FREM2: variants seen among roughly 807,000 people sequenced by gnomAD.
The protein encoded by FREM2 is FRAS1-related extracellular matrix protein 2.
Under a neutral mutation model 219.9 loss-of-function variants are expected in FREM2, and 119 were observed. The ratio of observed to expected loss-of-function variants is 0.54; its 90% CI spans 0.47 to 0.63. The LOEUF is 0.63. Among genes scored for constraint, FREM2 ranks in the 30% least tolerant of loss-of-function variants. FREM2 has a pLI of 0.00. For synonymous variants in FREM2, 1,562 were observed against 1,522.8 expected (o/e 1.03, Z -0.60); for missense variants, 4,030 against 3,993.6 (o/e 1.01, Z -0.25).
At chr13:38,818,026 A>G (rs1875836501) in intron 6 of FREM2, among the ~76,000 whole-genome samples, 1 of 152,162 alleles carries the variant, frequency 6.6e-6, no homozygotes, top group Non-Finnish European at 1.5e-5. Context: ...GCTATTATAA[A>G]AAAAGACAAG....
chr13:38,697,726 T>A lies in FREM2; in HGVS notation c.5202T>A (p.Tyr1734Ter), dbSNP rs1341103036. The change falls in exon 2 of 24, where the codon TAT becomes TAA. Residue 1734 changes from tyrosine (Y) to a stop codon, truncating the protein, a stop_gained. Transcript: ENST00000280481. LOFTEE classifies it high-confidence loss of function. ...ACATTGATGACATGAAAATATGCTATGTCTTAAGAGAAGGGGCTAATGCCA... is the reference window on the plus strand; with the variant it reads ...ACATTGATGACATGAAAATATGCTAAGTCTTAAGAGAAGGGGCTAATGCCA... Reference protein sequence around the residue: ...QADIDDMKICYVLREGANATS... With the variant: ...QADIDDMKIC The A allele has an allele frequency of 6.2e-7, 1 of 1,607,588 alleles. No individual in the cohort carries two copies. Among genetic ancestry groups the A allele is most frequent in the Non-Finnish European group, 8.5e-7 (1 of 1,174,082 alleles).
chr13:38,752,559 T>A lies in FREM2; in HGVS notation c.5264-11745T>A, dbSNP rs559314200. Among the ~76,000 whole-genome samples, 154 of 152,320 alleles carry A rather than the reference T, an allele frequency of 1.0e-3. 1 individual carries two copies. The highest frequency in any genetic ancestry group is 3.6e-3 in the African/African-American group (149 of 41,582). On this transcript the variant is annotated intron_variant, in intron 2 of 23. Transcript: ENST00000280481. Reference sequence around the variant, plus strand: ...CTCCCACCCCACTCTAATCTCTTCATACTAGCCATGAGATTTAAGTTTTGG... The same window carrying A: ...CTCCCACCCCACTCTAATCTCTTCAAACTAGCCATGAGATTTAAGTTTTGG...
chr13:38,822,290 T>C (rs951665450), intron 6 of FREM2, among the ~76,000 whole-genome samples: 5 of 151,658 alleles, frequency 3.3e-5, no homozygotes, highest in African/African-American at 7.3e-5. Flanking sequence ...CCAGGAAGTA[T>C]ACTACAGAGC....
chr13:38,705,897 G>A (rs1870520109), intron 2 of FREM2, among the ~76,000 whole-genome samples: 1 of 151,774 alleles, frequency 6.6e-6, no homozygotes, highest in Non-Finnish European at 1.5e-5. Context: ...TGTTCATTTG[G>A]TGTTGGTAGA....
At chr13:38,785,684 G>A (rs1593407053) in intron 6 of FREM2, among the ~76,000 whole-genome samples, 1 of 152,346 alleles carries the variant, frequency 6.6e-6, no homozygotes, top group South Asian at 2.1e-4. Context: ...TGTGAGAGGT[G>A]AAGGTGATAA....
chr13:38,802,727 C>T (rs1443948069), intron 6 of FREM2, among the ~76,000 whole-genome samples: 1 of 152,188 alleles, frequency 6.6e-6, no homozygotes, highest in East Asian at 1.9e-4. Flanking sequence ...GCTGAAGGCT[C>T]AGAAGCCTGT....
intron 13 of FREM2, among the ~76,000 whole-genome samples, chr13:38,859,014 A>T (rs754539514): frequency 6.6e-6 from 1 of 152,130 alleles, no homozygotes; most frequent in Admixed American, 6.5e-5. Flanking sequence ...GAGAATAAGG[A>T]TAACTGGCAA....
At chr13:38,714,171 A>G (rs1870888999) in intron 2 of FREM2, among the ~76,000 whole-genome samples, 1 of 152,270 alleles carries the variant, frequency 6.6e-6, no homozygotes, top group Admixed American at 6.5e-5. Flanking sequence ...TGCCATGCAC[A>G]TAGTGGCTGG....
intron 15 of FREM2, 149 bp downstream of exon 15, chr13:38,861,711 T>C: frequency 1.1e-6 from 1 of 874,616 alleles, no homozygotes; most frequent in Non-Finnish European, 1.9e-6. Context: ...TCAACTGTTT[T>C]AGCTTTGTTC....
At chr13:38,744,954 A>G (rs1872407130) in intron 2 of FREM2, among the ~76,000 whole-genome samples, 1 of 152,246 alleles carries the variant, frequency 6.6e-6, no homozygotes, top group South Asian at 2.1e-4. Flanking sequence ...TTATAAACTA[A>G]CATGACATAG....
chr13:38,872,697 A>C, intron 16 of FREM2, 45 bp from the exon 17 acceptor site: 1 of 1,548,160 alleles, frequency 6.5e-7, no homozygotes, highest in East Asian at 2.2e-5. Flanking sequence ...AGGCCCACTT[A>C]GTTAACACTG....
chr13:38,704,519 C>T (rs1870464167), intron 2 of FREM2, among the ~76,000 whole-genome samples: 1 of 152,150 alleles, frequency 6.6e-6, no homozygotes, highest in Non-Finnish European at 1.5e-5. Context: ...AGGGACTGAG[C>T]TTTGTGTGTT....
Position 38,691,227 on chromosome 13 carries a change from A to G in FREM2, c.3883A>G (p.Ile1295Val). The change falls in exon 1 of 24, where the codon ATA becomes GTA. Residue 1295 changes from isoleucine to valine, a missense_variant. Physicochemically the swap from Ile to Val is conservative, Grantham distance 29. Transcript: ENST00000280481. ...CTCTGTGGAAAAGACGGTCCTCATT[A>G]TAGTTATCCCTGTTGATGATGAGAC... is the stretch of plus-strand genomic sequence containing the variant. ...KHSVEKTVLI[I>V]VIPVDDETPR... 1.9e-6 allele frequency: 3 copies of G among 1,614,100 alleles called. No individual in the cohort carries two copies. Among genetic ancestry groups the G allele is most frequent in the Non-Finnish European group, 2.5e-6 (3 of 1,179,922 alleles).
At chr13:38,828,885 AT>A (rs948934111) in intron 6 of FREM2, among the ~76,000 whole-genome samples, 3 of 151,886 alleles carry the variant, frequency 2.0e-5, no homozygotes, top group Non-Finnish European at 4.4e-5. Flanking sequence ...CTGGTTTCAG[AT>A]TTTTTTTCTA....
intron 6 of FREM2, among the ~76,000 whole-genome samples, chr13:38,786,685 G>T (rs959430477): frequency 1.3e-5 from 2 of 151,346 alleles, no homozygotes; most frequent in Non-Finnish European, 2.9e-5. Flanking sequence ...GTTTTTTTTG[G>T]CAAAAAAATC....
At chr13:38,769,136 T>A (rs748148838) in intron 3 of FREM2, among the ~76,000 whole-genome samples, 7 of 152,216 alleles carry the variant, frequency 4.6e-5, no homozygotes, top group Non-Finnish European at 1.0e-4. Context: ...AGTCAGAGAA[T>A]TCTTTCATGG....
chr13:38,882,748 T>C lies in FREM2; in HGVS notation c.*1961T>C, dbSNP rs1480882494. 6.6e-6 allele frequency: 1 copy of C among 152,192 alleles called. No homozygotes were observed. Among genetic ancestry groups the C allele is most frequent in the Non-Finnish European group, 1.5e-5 (1 of 68,026 alleles). 9.4% of individuals were successfully genotyped at this position (152,192 alleles called of 1,614,324 possible). A position where few individuals can be genotyped will look rare whatever the true frequency, so the allele number is the denominator to read the frequency against. On this transcript the variant is annotated 3_prime_UTR_variant, in exon 24 of 24. Transcript: ENST00000280481. ...TTCTTTGGCTACCTCATAATTTGTA[T>C]GGGAATGAACATGAATTAGGGAACT...
intron 4 of FREM2, among the ~76,000 whole-genome samples, chr13:38,770,881 A>G (rs542724551): frequency 3.9e-5 from 6 of 152,326 alleles, no homozygotes; most frequent in Admixed American, 1.3e-4. Context: ...AAAGAAAAAG[A>G]AAAAAGATTG....
chr13:38,712,030 C>G (rs1338540177), intron 2 of FREM2, among the ~76,000 whole-genome samples: 2 of 150,048 alleles, frequency 1.3e-5, no homozygotes, highest in African/African-American at 4.9e-5. Flanking sequence ...AAGTGATTCT[C>G]CTGCCTCAGC....
Sources: gnomAD v4.1 joint callset for allele counts (sites outside exome capture counted in the v4.1 genomes callset) on GRCh38, gnomAD v4.1.1 for gene constraint, MANE v1.5 for transcripts, NCBI Gene and HGNC (gene_info 2026-07-23, HGNC 2026-07-21) for gene names.